The following LDLRAD4 variants were observed in gnomAD, a reference collection of about 807,000 sequenced individuals.
LDLRAD4 encodes the protein low density lipoprotein receptor class A domain containing 4.
Under a neutral mutation model 17.0 loss-of-function variants are expected in LDLRAD4, and 5 were observed. That is an observed-to-expected ratio of 0.29 (90% CI 0.15 to 0.62). The LOEUF (loss-of-function observed/expected upper bound fraction) is 0.62, where lower values mean the gene tolerates loss of function less well. Among genes scored for constraint, LDLRAD4 ranks in the 20% least tolerant of loss-of-function variants. LDLRAD4 has a pLI of 0.84. For missense variants in LDLRAD4, 340 were observed against 424.7 expected, an observed-to-expected ratio of 0.80 and a Z score of 1.75; for synonymous variants, 168 against 171.8, an observed-to-expected ratio of 0.98 and a Z score of 0.17.
chr18:13,305,889 A>G (rs958261586), intron 1 of LDLRAD4, among the ~76,000 whole-genome samples: 5 of 152,240 alleles, frequency 3.3e-5, no homozygotes, highest in African/African-American at 1.2e-4. Flanking sequence ...AAGCTCACCT[A>G]TAGACTCTAA....
At chr18:13,509,000 A>C (rs945062450) in intron 3 of LDLRAD4, among the ~76,000 whole-genome samples, 2 of 152,186 alleles carry the variant, frequency 1.3e-5, no homozygotes, top group African/African-American at 4.8e-5. Context: ...ACTCATGAGA[A>C]AAGGTCAAAA....
chr18:13,491,040 G>A (rs3809903), intron 3 of LDLRAD4, among the ~76,000 whole-genome samples: 15,119 of 152,170 alleles, frequency 0.099, 815 homozygotes, highest in East Asian at 0.14. Flanking sequence ...TGGCCAAGTC[G>A]TCTCTGCTCC....
chr18:13,527,342 A>G (rs7227826), intron 3 of LDLRAD4, among the ~76,000 whole-genome samples: 150,132 of 152,374 alleles, frequency 0.99, 73,998 homozygotes, highest in East Asian at 1. Flanking sequence ...CCTTGAATGA[A>G]GCATGAACTG....
chr18:13,261,974 C>G (rs891205744), intron 1 of LDLRAD4, among the ~76,000 whole-genome samples: 10 of 139,864 alleles, frequency 7.1e-5, no homozygotes, highest in South Asian at 2.4e-4. Flanking sequence ...CCGTGTGGCT[C>G]TGTGTGTGGA....
At chr18:13,261,857 A>G (rs2043833208) in intron 1 of LDLRAD4, among the ~76,000 whole-genome samples, 1 of 152,186 alleles carries the variant, frequency 6.6e-6, no homozygotes, top group Admixed American at 6.5e-5. Flanking sequence ...GAGAGGCAGG[A>G]CTGCGAGTGC....
intron 3 of LDLRAD4, among the ~76,000 whole-genome samples, chr18:13,508,107 G>A (rs2093723352): frequency 6.6e-6 from 1 of 152,186 alleles, no homozygotes; most frequent in Admixed American, 6.5e-5. Flanking sequence ...TGGATAGAAG[G>A]TCAAACCAGC....
chr18:13,512,457 A>G (rs71353273), intron 3 of LDLRAD4, among the ~76,000 whole-genome samples: 5,022 of 152,294 alleles, frequency 0.033, 111 homozygotes, highest in East Asian at 0.055. Context: ...GTGTGCTTAC[A>G]ATGTGGGTGT....
chr18:13,229,319 T>A (rs2041957016), intron 1 of LDLRAD4, among the ~76,000 whole-genome samples: 1 of 152,254 alleles, frequency 6.6e-6, no homozygotes, highest in Non-Finnish European at 1.5e-5. Context: ...GGAAGGTCAC[T>A]GACTCTCTAG....
At chr18:13,418,559 T>C (rs1163565792) in intron 2 of LDLRAD4, among the ~76,000 whole-genome samples, 1 of 152,228 alleles carries the variant, frequency 6.6e-6, no homozygotes, top group Non-Finnish European at 1.5e-5. Flanking sequence ...CCTGTTGCTG[T>C]AGACAGCCCT....
upstream of LDLRAD4, among the ~76,000 whole-genome samples, chr18:13,274,436 A>G (rs147397037): frequency 5.0e-3 from 768 of 152,320 alleles, 12 homozygotes; most frequent in African/African-American, 0.018. Context: ...AGTTAAAGTT[A>G]TGCTGAAAGG....
chr18:13,453,444 G>A (rs552761426), intron 3 of LDLRAD4, among the ~76,000 whole-genome samples: 2 of 152,238 alleles, frequency 1.3e-5, no homozygotes, highest in South Asian at 2.1e-4. Context: ...ACTCCGTAGT[G>A]ACCTTGGTTT....
intron 1 of LDLRAD4, among the ~76,000 whole-genome samples, chr18:13,297,977 G>A (rs2046364082): frequency 6.6e-6 from 1 of 152,248 alleles, no homozygotes; most frequent in Admixed American, 6.5e-5. Context: ...CGCTAACCAG[G>A]AAGATGCATG....
intron 3 of LDLRAD4, among the ~76,000 whole-genome samples, chr18:13,512,874 C>T (rs1648585): frequency 0.63 from 96,413 of 152,052 alleles, 31,369 homozygotes; most frequent in South Asian, 0.73. Flanking sequence ...CAGTGGAGAT[C>T]ACTTGCACTG....
intron 1 of LDLRAD4, among the ~76,000 whole-genome samples, chr18:13,349,860 A>G (rs1174745910): frequency 6.7e-6 from 1 of 148,624 alleles, no homozygotes; most frequent in African/African-American, 2.5e-5. Flanking sequence ...TTCAACTCCC[A>G]CTTACGAGTG....
chr18:13,316,383 C>T (rs1334750937), intron 1 of LDLRAD4, among the ~76,000 whole-genome samples: 1 of 152,070 alleles, frequency 6.6e-6, no homozygotes, highest in Non-Finnish European at 1.5e-5. Flanking sequence ...ATGAAGGCCA[C>T]CAAAGGGCAT....
intron 1 of LDLRAD4, among the ~76,000 whole-genome samples, chr18:13,354,511 A>C (rs1455672538): frequency 6.6e-6 from 1 of 152,214 alleles, no homozygotes; most frequent in Admixed American, 6.5e-5. Flanking sequence ...TAGAAATTAC[A>C]TCATTTGTGT....
In LDLRAD4 at chr18:13,289,866, C is replaced by A. The variant is rs528835613; in HGVS notation, c.-383+11678C>A. On this transcript the variant is annotated intron_variant, in intron 1 of 5. Transcript: ENST00000359446. ...GGCTTCCTCCTACATGAAGAATAAT[C>A]CCATCATATCTCAGCCTTCCTTGTG... is the stretch of plus-strand genomic sequence containing the variant. Among the ~76,000 whole-genome samples the A allele has an allele frequency of 6.3e-4, 96 of 152,304 alleles. 1 individual carries two copies. In the South Asian group the frequency reaches 0.01, roughly 16 times the overall value.
chr18:13,416,064 C>T (rs991325793), intron 2 of LDLRAD4, among the ~76,000 whole-genome samples: 1 of 152,218 alleles, frequency 6.6e-6, no homozygotes, highest in Non-Finnish European at 1.5e-5. Context: ...GCTGACCAGA[C>T]CTTCCATGAA....
chr18:13,544,114 GGCCTGCTATGAA>G (rs1444909566), intron 3 of LDLRAD4, among the ~76,000 whole-genome samples: 3 of 152,248 alleles, frequency 2.0e-5, no homozygotes, highest in Non-Finnish European at 2.9e-5. Context: ...TCCATCGCTG[GGCCTGCTATGAA>G]GCCACGCTGC....
Sources: allele counts gnomAD v4.1 joint callset (sites outside exome capture counted in the v4.1 genomes callset), GRCh38; gene constraint gnomAD v4.1.1; transcripts MANE v1.5; gene names NCBI Gene and HGNC (gene_info 2026-07-23, HGNC 2026-07-21).